Variants in TENM2 observed in about 807,000 individuals in gnomAD.
TENM2 encodes the protein teneurin-2.
In TENM2, 52 loss-of-function variants were observed where a neutral mutation model predicts 245.2. The observed-to-expected ratio is 0.21, with a 90% CI of 0.17 to 0.27. The LOEUF (loss-of-function observed/expected upper bound fraction) is 0.27. Among genes scored for constraint, TENM2 ranks in the 10% least tolerant of loss-of-function variants. The pLI, the probability that TENM2 is intolerant of heterozygous loss-of-function variation, is 1.00. For missense variants in TENM2, 3,046 were observed against 3,666.8 expected (o/e 0.83, Z 4.37); for synonymous variants, 1,363 against 1,438.9 (o/e 0.95, Z 1.19).
At chr5:168,174,797 A>T (rs1759198398) in intron 13 of TENM2, among the ~76,000 whole-genome samples, 1 of 152,180 alleles carries the variant, frequency 6.6e-6, no homozygotes, top group Non-Finnish European at 1.5e-5. Flanking sequence ...GGGTTCACTG[A>T]GGTCCTTTCC....
intron 27 of TENM2, among the ~76,000 whole-genome samples, chr5:168,256,729 A>G (rs535635142): frequency 2.6e-5 from 4 of 151,984 alleles, no homozygotes; most frequent in Non-Finnish European, 4.4e-5. Flanking sequence ...CCGGCCTCAA[A>G]CCTGTTTCTT....
At chr5:168,066,119 G>A (rs34118922) in intron 7 of TENM2, among the ~76,000 whole-genome samples, 50,208 of 152,066 alleles carry the variant, frequency 0.33, 9,714 homozygotes, top group Non-Finnish European at 0.44. Flanking sequence ...ACTCTGCTTC[G>A]CATGTCCCTC....
intron 2 of TENM2, among the ~76,000 whole-genome samples, chr5:167,845,024 A>G (rs537594041): frequency 6.6e-6 from 1 of 152,132 alleles, no homozygotes; most frequent in East Asian, 1.9e-4. Context: ...TCTCTGTAAG[A>G]TGCACTGTAT....
chr5:167,935,459 C>A (rs1046086016), intron 3 of TENM2, among the ~76,000 whole-genome samples: 1 of 152,166 alleles, frequency 6.6e-6, no homozygotes, highest in African/African-American at 2.4e-5. Flanking sequence ...CAGGTTAAGC[C>A]GTTGCTATTG....
At chr5:166,987,691 A>T in the TENM2 span, among the ~76,000 whole-genome samples, 1 of 152,114 alleles carries the variant, frequency 6.6e-6, no homozygotes, top group Non-Finnish European at 1.5e-5. Context: ...GGTCATTTTT[A>T]GGATGTGCCG....
intron 1 of TENM2, among the ~76,000 whole-genome samples, chr5:167,357,401 G>A (rs916477411): frequency 6.6e-6 from 1 of 150,634 alleles, no homozygotes; most frequent in Non-Finnish European, 1.5e-5. Context: ...TCCTGCCTCA[G>A]CCTCCCGAGT....
At chr5:167,253,555 G>A in the TENM2 span, among the ~76,000 whole-genome samples, 9 of 152,086 alleles carry the variant, frequency 5.9e-5, no homozygotes, top group South Asian at 1.9e-3. Flanking sequence ...AACTTTTTTT[G>A]TATTAGAATA....
intron 5 of TENM2, among the ~76,000 whole-genome samples, chr5:168,031,536 C>T (rs1787140659): frequency 6.6e-6 from 1 of 151,992 alleles, no homozygotes; most frequent in African/African-American, 2.4e-5. Context: ...TGTGGCAACC[C>T]CCCTGGGAGG....
chr5:167,397,750 A>G (rs141331158), intron 2 of TENM2, among the ~76,000 whole-genome samples: 24 of 152,316 alleles, frequency 1.6e-4, no homozygotes, highest in African/African-American at 5.0e-4. Context: ...ATTTGAAGAT[A>G]CCAGAATAGC....
chr5:167,894,693 C>T (rs375588424), intron 3 of TENM2, among the ~76,000 whole-genome samples: 5 of 152,098 alleles, frequency 3.3e-5, no homozygotes, highest in East Asian at 1.9e-4. Flanking sequence ...TTAGTATGCA[C>T]TCCATAAATA....
chr5:167,784,152 G>C (rs1764404020), intron 2 of TENM2, among the ~76,000 whole-genome samples: 2 of 152,190 alleles, frequency 1.3e-5, no homozygotes, highest in Non-Finnish European at 2.9e-5. Context: ...ATGGGTGCTA[G>C]AGTCACTGTC....
chr5:167,787,483 A>C (rs1764661202), intron 2 of TENM2, among the ~76,000 whole-genome samples: 3 of 152,198 alleles, frequency 2.0e-5, no homozygotes, highest in Non-Finnish European at 2.9e-5. Flanking sequence ...TCCATGTAGA[A>C]ACAGGATGGA....
the TENM2 span, among the ~76,000 whole-genome samples, chr5:167,193,559 A>G: frequency 5.3e-5 from 8 of 152,126 alleles, no homozygotes; most frequent in African/African-American, 1.9e-4. Context: ...TTTTTTACAT[A>G]AAAATTCCTT....
At chr5:168,039,557 G>GA (rs892482105) in intron 5 of TENM2, among the ~76,000 whole-genome samples, 2 of 151,946 alleles carry the variant, frequency 1.3e-5, no homozygotes, top group African/African-American at 2.4e-5. Context: ...TCTTAACCAG[G>GA]AAAAAAATTG....
chr5:167,848,663 C>T (rs1229595610), intron 2 of TENM2, among the ~76,000 whole-genome samples: 1 of 152,172 alleles, frequency 6.6e-6, no homozygotes, highest in Admixed American at 6.5e-5. Context: ...GCTCTAAGCA[C>T]TTTTTCTCCT....
intron 2 of TENM2, among the ~76,000 whole-genome samples, chr5:167,459,554 G>A (rs1766150779): frequency 6.6e-6 from 1 of 152,072 alleles, no homozygotes; most frequent in African/African-American, 2.4e-5. Context: ...AGTGAATTGA[G>A]GATAATAATA....
At chr5:167,787,400 G>A (rs1286420447) in intron 2 of TENM2, among the ~76,000 whole-genome samples, 4 of 152,246 alleles carry the variant, frequency 2.6e-5, no homozygotes, top group African/African-American at 4.8e-5. Flanking sequence ...TGATAGAAAG[G>A]TCCAGGCCTG....
chr5:168,075,397 C>T (rs1174078732), intron 7 of TENM2, among the ~76,000 whole-genome samples: 2 of 152,124 alleles, frequency 1.3e-5, no homozygotes, highest in South Asian at 4.1e-4. Flanking sequence ...CTAAAACATG[C>T]ACCAATGCAC....
At chr5:167,147,183 G>A in the TENM2 span, among the ~76,000 whole-genome samples, 2 of 152,108 alleles carry the variant, frequency 1.3e-5, no homozygotes, top group Non-Finnish European at 2.9e-5. Flanking sequence ...AGATTAGATC[G>A]TATAGGGAAA....
Sources: gnomAD v4.1 joint callset for allele counts (sites outside exome capture counted in the v4.1 genomes callset) on GRCh38, gnomAD v4.1.1 for gene constraint, MANE v1.5 for transcripts, NCBI Gene and HGNC (gene_info 2026-07-23, HGNC 2026-07-21) for gene names.